Variants in SGCZ observed in about 807,000 individuals in gnomAD.
The protein encoded by SGCZ is zeta-sarcoglycan.
SGCZ carries 40 observed loss-of-function variants against 41.3 expected under a neutral mutation model. The ratio of observed to expected loss-of-function variants is 0.97; its 90% CI spans 0.75 to 1.26. The LOEUF is 1.26. Among genes scored for constraint, SGCZ ranks in the 50% most tolerant of loss-of-function variants. SGCZ has a pLI of 0.00. For synonymous variants in SGCZ, 206 were observed against 137.5 expected (o/e 1.50, Z -3.49); for missense variants, 552 against 369.8 (o/e 1.49, Z -4.04).
intron 1 of SGCZ, among the ~76,000 whole-genome samples, chr8:14,864,083 A>G (rs776130142): frequency 5.3e-5 from 8 of 152,168 alleles, no homozygotes; most frequent in Non-Finnish European, 1.2e-4. Context: ...TAAAGTTACT[A>G]AATTCCTATT....
chr8:15,148,655 G>C (rs554749560), intron 1 of SGCZ, among the ~76,000 whole-genome samples: 11 of 152,066 alleles, frequency 7.2e-5, no homozygotes, highest in Non-Finnish European at 1.3e-4. Context: ...CGGCTAATAG[G>C]TGTGAAGACA....
At chr8:15,138,231 T>C (rs1036696344) in intron 1 of SGCZ, among the ~76,000 whole-genome samples, 2 of 152,240 alleles carry the variant, frequency 1.3e-5, no homozygotes, top group Admixed American at 6.5e-5. Context: ...CCAATGCCTG[T>C]ACTTCCATTG....
intron 1 of SGCZ, among the ~76,000 whole-genome samples, chr8:15,214,747 T>C (rs1563188129): frequency 6.6e-6 from 1 of 152,154 alleles, no homozygotes; most frequent in Admixed American, 6.5e-5. Flanking sequence ...ACACTTTGAC[T>C]TACCTTCTTC....
At chr8:14,191,694 G>A (rs1805107964) in intron 4 of SGCZ, among the ~76,000 whole-genome samples, 1 of 152,130 alleles carries the variant, frequency 6.6e-6, no homozygotes. Flanking sequence ...CACTAAAAGA[G>A]AATGGTAAAA....
At chr8:14,096,699 C>G (rs1025018397) in intron 7 of SGCZ, among the ~76,000 whole-genome samples, 1 of 152,174 alleles carries the variant, frequency 6.6e-6, no homozygotes, top group East Asian at 1.9e-4. Flanking sequence ...TTCTTTGTAC[C>G]TCTGGTAGAA....
At chr8:14,493,541 T>C (rs190572640) in intron 2 of SGCZ, among the ~76,000 whole-genome samples, 1 of 151,566 alleles carries the variant, frequency 6.6e-6, no homozygotes, top group African/African-American at 2.4e-5. Flanking sequence ...CTAATTTTTG[T>C]ATTTTTAGTA....
At chr8:14,091,765 G>T (rs145010442) in intron 7 of SGCZ, among the ~76,000 whole-genome samples, 3,127 of 152,106 alleles carry the variant, frequency 0.021, 47 homozygotes, top group Non-Finnish European at 0.031. Flanking sequence ...AAAATTTTCT[G>T]CCATTCTGTA....
intron 1 of SGCZ, among the ~76,000 whole-genome samples, chr8:14,846,926 G>C (rs550010231): frequency 1.8e-4 from 28 of 151,952 alleles, no homozygotes; most frequent in African/African-American, 6.5e-4. Flanking sequence ...AAAGAAATTA[G>C]CTGGGCGTGG....
At chr8:14,786,196 G>A (rs574381358) in intron 1 of SGCZ, among the ~76,000 whole-genome samples, 37 of 152,080 alleles carry the variant, frequency 2.4e-4, no homozygotes, top group Non-Finnish European at 5.3e-4. Context: ...TTTCAAACTT[G>A]TCTTTGACGA....
At chr8:15,206,861 C>G (rs1331149083) in intron 1 of SGCZ, among the ~76,000 whole-genome samples, 2 of 151,678 alleles carry the variant, frequency 1.3e-5, no homozygotes, top group Non-Finnish European at 2.9e-5. Flanking sequence ...GTGAATTTGA[C>G]CTTAGTATGC....
intron 3 of SGCZ, among the ~76,000 whole-genome samples, chr8:14,265,041 G>A (rs7009679): frequency 1 from 151,590 of 152,326 alleles, 75,433 homozygotes; most frequent in East Asian, 1. Context: ...TAATTTTTCA[G>A]TATGCAGGTG....
chr8:14,606,144 C>T (rs1296567589), intron 1 of SGCZ, among the ~76,000 whole-genome samples: 1 of 152,102 alleles, frequency 6.6e-6, no homozygotes, highest in Admixed American at 6.6e-5. Context: ...CATGACTTCA[C>T]TAATGCTAAA....
chr8:14,965,004 C>A (rs1398256395), intron 1 of SGCZ, among the ~76,000 whole-genome samples: 1 of 152,064 alleles, frequency 6.6e-6, no homozygotes, highest in African/African-American at 2.4e-5. Context: ...CAGTTCTAAT[C>A]CACCCAGGAG....
At chr8:15,051,677 A>T (rs1443605931) in intron 1 of SGCZ, among the ~76,000 whole-genome samples, 3 of 152,048 alleles carry the variant, frequency 2.0e-5, no homozygotes, top group Non-Finnish European at 4.4e-5. Flanking sequence ...ACCATTTTTT[A>T]AAAAAATTTA....
intron 1 of SGCZ, among the ~76,000 whole-genome samples, chr8:15,163,739 T>G (rs1427828030): frequency 2.0e-5 from 3 of 152,264 alleles, no homozygotes; most frequent in African/African-American, 7.2e-5. Context: ...TATTTCTTTA[T>G]TATTTACAGC....
intron 1 of SGCZ, among the ~76,000 whole-genome samples, chr8:15,056,973 A>C (rs1330807879): frequency 1.3e-5 from 2 of 152,090 alleles, no homozygotes; most frequent in Non-Finnish European, 2.9e-5. Flanking sequence ...GCAGCAGGGC[A>C]CTCACCTCTG....
intron 1 of SGCZ, among the ~76,000 whole-genome samples, chr8:15,010,476 T>C (rs550334977): frequency 1.1e-4 from 16 of 152,334 alleles, no homozygotes; most frequent in South Asian, 2.1e-4. Context: ...TTTACTTTTA[T>C]GTTGGTGGTC....
intron 3 of SGCZ, among the ~76,000 whole-genome samples, chr8:14,247,428 A>T (rs1280382157): frequency 6.6e-6 from 1 of 152,148 alleles, no homozygotes; most frequent in Non-Finnish European, 1.5e-5. Flanking sequence ...ATTTACAGGG[A>T]ATCTGGGGTA....
At chr8:15,042,907 T>C (rs1197037606) in intron 1 of SGCZ, among the ~76,000 whole-genome samples, 1 of 152,198 alleles carries the variant, frequency 6.6e-6, no homozygotes, top group Non-Finnish European at 1.5e-5. Context: ...TTTGTTTTAT[T>C]ATTTAATAGT....
Sources: allele counts gnomAD v4.1 joint callset (sites outside exome capture counted in the v4.1 genomes callset), GRCh38; gene constraint gnomAD v4.1.1; transcripts MANE v1.5; gene names NCBI Gene and HGNC (gene_info 2026-07-23, HGNC 2026-07-21).